Variants in ANKS1B observed in about 807,000 individuals in gnomAD.
ANKS1B encodes the protein ankyrin repeat and sterile alpha motif domain-containing protein 1B.
Under a neutral mutation model 148.3 loss-of-function variants are expected in ANKS1B, and 36 were observed. The ratio of observed to expected loss-of-function variants is 0.24; its 90% CI spans 0.19 to 0.32. ANKS1B has a LOEUF of 0.32. Among genes scored for constraint, ANKS1B ranks in the 10% least tolerant of loss-of-function variants. The pLI is 1.00. For missense variants in ANKS1B, 1,157 were observed against 1,542.6 expected (o/e 0.75, Z 4.19); for synonymous variants, 542 against 560.8 (o/e 0.97, Z 0.47).
chr12:98,850,709 C>T (rs169294), intron 17 of ANKS1B, among the ~76,000 whole-genome samples: 60,737 of 150,820 alleles, frequency 0.4, 14,390 homozygotes, highest in South Asian at 0.62. Context: ...CCTCGTGATC[C>T]GCCCGCCTCA....
intron 14 of ANKS1B, among the ~76,000 whole-genome samples, chr12:99,211,147 C>T (rs775073652): frequency 1.3e-5 from 2 of 152,154 alleles, no homozygotes; most frequent in African/African-American, 2.4e-5. Context: ...AGGGCTAATG[C>T]CCCTGGGGGA....
At chr12:99,515,847 A>G (rs1393518728) in intron 9 of ANKS1B, among the ~76,000 whole-genome samples, 2 of 152,102 alleles carry the variant, frequency 1.3e-5, no homozygotes, top group Non-Finnish European at 2.9e-5. Flanking sequence ...CTTTTGGATA[A>G]AAGTCATTTA....
At chr12:99,195,953 C>A (rs2081337017) in intron 14 of ANKS1B, among the ~76,000 whole-genome samples, 1 of 151,708 alleles carries the variant, frequency 6.6e-6, no homozygotes, top group African/African-American at 2.4e-5. Flanking sequence ...TGCAAAGATA[C>A]CTAAAGGATT....
chr12:99,612,227 G>A (rs994034098), intron 9 of ANKS1B, among the ~76,000 whole-genome samples: 2 of 152,216 alleles, frequency 1.3e-5, no homozygotes, highest in South Asian at 2.1e-4. Context: ...ATGGTCATCT[G>A]AAAGAAGATA....
intron 9 of ANKS1B, among the ~76,000 whole-genome samples, chr12:99,600,545 A>G (rs2097792230): frequency 6.6e-6 from 1 of 152,126 alleles, no homozygotes; most frequent in Admixed American, 6.6e-5. Flanking sequence ...AGGCTTTGAC[A>G]AGCAGGTGCT....
Position 99,382,482 on chromosome 12 carries a change from C to G in ANKS1B, c.1756+17149G>C, listed in dbSNP as rs1182084119. ...CTTTGGGAGGCCAAGGTGGGTAGAT[C>G]ACTTGAGGCCAGGAATTCGAGACCA... On this transcript the variant is annotated intron_variant, in intron 12 of 26. Coordinates refer to ENST00000683438, the MANE Select transcript of ANKS1B (RefSeq NM_001352186.2). Among the ~76,000 whole-genome samples, 3 of 152,002 alleles carry G rather than the reference C, an allele frequency of 2.0e-5. No homozygotes were observed. The East Asian group carries it at 5.8e-4, about 29-fold the overall frequency.
chr12:98,738,536 CTCATT>C (rs764080074), intron 9 of ANKS1B, among the ~76,000 whole-genome samples: 9 of 152,218 alleles, frequency 5.9e-5, no homozygotes, highest in Non-Finnish European at 1.3e-4. Flanking sequence ...CTGCCCAACT[CTCATT>C]TATCTTCACA....
At chr12:99,528,707 A>G (rs1305177838) in intron 9 of ANKS1B, among the ~76,000 whole-genome samples, 1 of 152,202 alleles carries the variant, frequency 6.6e-6, no homozygotes, top group Non-Finnish European at 1.5e-5. Flanking sequence ...CATTATTACT[A>G]CTCAGTAATT....
At chr12:99,099,455 G>A (rs907826790) in intron 15 of ANKS1B, among the ~76,000 whole-genome samples, 1 of 152,190 alleles carries the variant, frequency 6.6e-6, no homozygotes, top group African/African-American at 2.4e-5. Context: ...CTGGCAGTGG[G>A]GCACCTGTGC....
intron 9 of ANKS1B, among the ~76,000 whole-genome samples, chr12:99,589,928 G>T (rs543428749): frequency 1.3e-5 from 2 of 152,008 alleles, no homozygotes; most frequent in Admixed American, 6.5e-5. Context: ...AATATCACTT[G>T]TACCCCATAA....
At chr12:99,024,050 G>C in intron 17 of ANKS1B, among the ~76,000 whole-genome samples, 1 of 151,342 alleles carries the variant, frequency 6.6e-6, no homozygotes, top group East Asian at 1.9e-4. Flanking sequence ...TAATCATGTT[G>C]CTCAGTTCAT....
Position 99,065,806 on chromosome 12 carries a change from G to T in ANKS1B, c.2626-12497C>A, listed in dbSNP as rs977843448. 9.9e-5 allele frequency among the ~76,000 whole-genome samples: 15 copies of T among 152,276 alleles called. No homozygotes were observed. In the East Asian group the frequency reaches 2.9e-3, roughly 29 times the overall value. On this transcript the variant is annotated intron_variant, in intron 16 of 26. Transcript: ENST00000683438. Reference sequence around the variant, plus strand: ...CATATGAAGGTGCCAGTCCTTGTGGGGTTTACCTTCTAAGTGGGGAAGACA... The same window carrying T: ...CATATGAAGGTGCCAGTCCTTGTGGTGTTTACCTTCTAAGTGGGGAAGACA...
chr12:99,202,899 C>T (rs1382963987), intron 14 of ANKS1B, among the ~76,000 whole-genome samples: 3 of 152,156 alleles, frequency 2.0e-5, no homozygotes, highest in Admixed American at 6.5e-5. Context: ...AGGCTTCTCC[C>T]TCTCCAAGTG....
intron 14 of ANKS1B, among the ~76,000 whole-genome samples, chr12:99,208,003 T>C (rs1274788086): frequency 1.3e-5 from 2 of 152,110 alleles, no homozygotes; most frequent in South Asian, 2.1e-4. Flanking sequence ...AAAAGTATAC[T>C]GATATAAAAC....
intron 26 of ANKS1B, among the ~76,000 whole-genome samples, chr12:98,750,225 G>A (rs74998807): frequency 0.029 from 4,465 of 152,184 alleles, 109 homozygotes; most frequent in Middle Eastern, 0.089. Context: ...GGCTCAGAGC[G>A]TGGCATCGGA....
chr12:99,716,908 T>C (rs2057407681), intron 8 of ANKS1B, among the ~76,000 whole-genome samples: 2 of 152,098 alleles, frequency 1.3e-5, no homozygotes, highest in East Asian at 3.9e-4. Context: ...ATAATCCTTT[T>C]ATCACCTCCC....
At chr12:98,877,517 T>C (rs957984306) in intron 17 of ANKS1B, among the ~76,000 whole-genome samples, 3 of 152,240 alleles carry the variant, frequency 2.0e-5, no homozygotes, top group African/African-American at 7.2e-5. Flanking sequence ...TTCTTCCTTT[T>C]CCTTCAAGGA....
intron 14 of ANKS1B, among the ~76,000 whole-genome samples, chr12:99,209,961 C>A (rs1443856442): frequency 6.6e-6 from 1 of 152,122 alleles, no homozygotes; most frequent in Admixed American, 6.6e-5. Flanking sequence ...AAACTTCTCC[C>A]CTACACAGAA....
intron 14 of ANKS1B, among the ~76,000 whole-genome samples, chr12:99,230,975 G>C (rs1022223393): frequency 1.3e-5 from 2 of 152,080 alleles, no homozygotes; most frequent in Admixed American, 6.6e-5. Flanking sequence ...AAATAGTACT[G>C]TAAAAAGAAA....
Sources: allele counts gnomAD v4.1 joint callset (sites outside exome capture counted in the v4.1 genomes callset), GRCh38; gene constraint gnomAD v4.1.1; transcripts MANE v1.5; gene names NCBI Gene and HGNC (gene_info 2026-07-23, HGNC 2026-07-21).